Variants in SLC1A1 observed in about 807,000 individuals in gnomAD.
SLC1A1 encodes the protein excitatory amino acid transporter 3.
In SLC1A1, 43 loss-of-function variants were observed where a neutral mutation model predicts 53.3. That is an observed-to-expected ratio of 0.81 (90% CI 0.63 to 1.04). SLC1A1 has a LOEUF of 1.04. Ranked by LOEUF, SLC1A1 falls within the 50% of genes least tolerant of loss-of-function variation. SLC1A1 has a pLI of 0.00. For synonymous variants in SLC1A1, 307 were observed against 243.2 expected, an observed-to-expected ratio of 1.26 and a Z score of -2.44; for missense variants, 748 against 664.9, an observed-to-expected ratio of 1.12 and a Z score of -1.37.
At chr9:4,540,955 T>C (rs1816952803) in intron 1 of SLC1A1, among the ~76,000 whole-genome samples, 1 of 152,196 alleles carries the variant, frequency 6.6e-6, no homozygotes, top group African/African-American at 2.4e-5. Context: ...CACCTCACAA[T>C]TGGTGGAACC....
At chr9:4,564,928 C>G (rs1356537048) in intron 4 of SLC1A1, among the ~76,000 whole-genome samples, 1 of 152,064 alleles carries the variant, frequency 6.6e-6, no homozygotes, top group Admixed American at 6.6e-5. Flanking sequence ...ATTTATTCAC[C>G]AATTGTTTGA....
intron 3 of SLC1A1, among the ~76,000 whole-genome samples, chr9:4,562,399 A>T (rs550609683): frequency 6.6e-6 from 1 of 152,248 alleles, no homozygotes; most frequent in East Asian, 1.9e-4. Flanking sequence ...AAAGTGGATG[A>T]TTGGTCTATA....
intron 1 of SLC1A1, among the ~76,000 whole-genome samples, chr9:4,527,372 G>T (rs1816300158): frequency 6.6e-6 from 1 of 152,168 alleles, no homozygotes; most frequent in South Asian, 2.1e-4. Context: ...TACTAAATTT[G>T]TGGTGATTTG....
chr9:4,505,683 G>A (rs1820781329), intron 1 of SLC1A1, among the ~76,000 whole-genome samples: 1 of 152,090 alleles, frequency 6.6e-6, no homozygotes, highest in South Asian at 2.1e-4. Context: ...TTGGGAAGGT[G>A]TCTCACACTG....
chr9:4,580,672 G>C lies in SLC1A1; in HGVS notation c.1194-2366G>C, dbSNP rs192976522. Among the ~76,000 whole-genome samples the C allele has an allele frequency of 3.1e-4, 38 of 121,592 alleles. 1 individual carries two copies. Among genetic ancestry groups the C allele is most frequent in the Admixed American group, 2.8e-3 (31 of 11,098 alleles). The allele number at this position is 121,592 out of a possible 152,430, so 79.8% of individuals were successfully genotyped here. The stretch of plus-strand genomic sequence containing the variant: ...GTGTGTATAAGGAATAAAGAAGAAA[G>C]ACAATTGTAGGATTTGGGGCCTAGA... On this transcript the variant is annotated intron_variant, in intron 10 of 11. Transcript: ENST00000262352.
intron 1 of SLC1A1, among the ~76,000 whole-genome samples, chr9:4,537,334 T>G (rs200060783): frequency 5.5e-5 from 2 of 36,254 alleles, no homozygotes; most frequent in South Asian, 4.3e-4. Context: ...CCGAGGCGGG[T>G]GGATCATGAG....
chr9:4,511,476 A>C (rs1474772751), intron 1 of SLC1A1, among the ~76,000 whole-genome samples: 1 of 152,000 alleles, frequency 6.6e-6, no homozygotes, highest in East Asian at 1.9e-4. Flanking sequence ...TAGGTTTCAA[A>C]ATATGAATTT....
intron 1 of SLC1A1, among the ~76,000 whole-genome samples, chr9:4,533,644 A>G (rs1816561510): frequency 6.6e-6 from 1 of 152,282 alleles, no homozygotes; most frequent in Non-Finnish European, 1.5e-5. Context: ...TGTCAACATT[A>G]GACAGATCAA....
At chr9:4,562,179 C>G (rs980943300) in intron 3 of SLC1A1, among the ~76,000 whole-genome samples, 3 of 148,162 alleles carry the variant, frequency 2.0e-5, no homozygotes, top group African/African-American at 7.5e-5. Flanking sequence ...TCAAATGATT[C>G]TCCTGCCTCA....
At chr9:4,557,707 G>T (rs914132200) in intron 2 of SLC1A1, among the ~76,000 whole-genome samples, 1 of 152,186 alleles carries the variant, frequency 6.6e-6, no homozygotes, top group Admixed American at 6.5e-5. Flanking sequence ...GTGCTTGCTA[G>T]CCATATGCAC....
chr9:4,561,548 C>A lies in SLC1A1; in HGVS notation c.325+7C>A, dbSNP rs765189142. On this transcript the variant is annotated splice_region_variant and intron_variant, in intron 3 of 11. Transcript: ENST00000262352. ...CTCATTGCTGTTATTCTAGGTAATA[C>A]TTATTTCTGAATCCTTACTACTTTA... is the stretch of plus-strand genomic sequence containing the variant. 4 of 1,481,154 alleles carry A rather than the reference C, an allele frequency of 2.7e-6. No individual in the cohort carries two copies. In the Admixed American group the frequency reaches 5.0e-5, roughly 19 times the overall value. The allele number at this position is 1,481,154 out of a possible 1,614,324, so 91.8% of individuals were successfully genotyped here.
At chr9:4,522,054 CTTTTTT>C (rs574251219) in intron 1 of SLC1A1, among the ~76,000 whole-genome samples, 1 of 23,364 alleles carries the variant, frequency 4.3e-5, no homozygotes, top group Admixed American at 4.1e-4. Context: ...TTTTTTTTTT[CTTTTTT>C]TTTTTTTTTG....
chr9:4,574,009 G>C lies in SLC1A1; in HGVS notation c.870G>C (p.Leu290=), dbSNP rs1312947304. 3.8e-6 allele frequency: 6 copies of C among 1,599,138 alleles called. No individual in the cohort carries two copies. The highest frequency in any genetic ancestry group is 2.2e-5 in the East Asian group (1 of 44,830). The change falls in exon 8 of 12, where the codon CTG becomes CTC. Residue 290 remains leucine, a synonymous_variant. Coordinates refer to ENST00000262352, the MANE Select transcript of SLC1A1 (RefSeq NM_004170.6). The stretch of plus-strand genomic sequence containing the variant: ...TGGGCCTTTACATGGCCACAGTCCT[G>C]ACTGGGTATGTCAGACTCAAGAGAA... ...RKLGLYMATV[L]TGLAIHSIVI...
intron 1 of SLC1A1, among the ~76,000 whole-genome samples, chr9:4,521,141 G>C (rs1478464946): frequency 5.9e-5 from 9 of 152,072 alleles, no homozygotes; most frequent in Admixed American, 6.5e-5. Context: ...TTGTTGAGTT[G>C]TAAGAATTCT....
chr9:4,498,751 CATA>C (rs1246985961), intron 1 of SLC1A1, among the ~76,000 whole-genome samples: 2 of 150,734 alleles, frequency 1.3e-5, no homozygotes, highest in Middle Eastern at 3.2e-3. Flanking sequence ...AATTAGTTTC[CATA>C]ATATTTTCTA....
At chr9:4,532,751 C>T (rs1267700068) in intron 1 of SLC1A1, among the ~76,000 whole-genome samples, 1 of 152,124 alleles carries the variant, frequency 6.6e-6, no homozygotes, top group Non-Finnish European at 1.5e-5. Context: ...AACTCCAACA[C>T]ACATAATTGT....
chr9:4,507,051 G>A (rs1028107006), intron 1 of SLC1A1, among the ~76,000 whole-genome samples: 1 of 152,112 alleles, frequency 6.6e-6, no homozygotes, highest in Non-Finnish European at 1.5e-5. Context: ...ATAACATGGT[G>A]AAACCCCCTC....
In SLC1A1 at chr9:4,561,390, C is replaced by T. The variant is rs532473324; in HGVS notation, c.233-59C>T. The T allele has an allele frequency of 1.0e-4, 104 of 1,006,572 alleles. 1 individual carries two copies. Among genetic ancestry groups the T allele is most frequent in the South Asian group, 9.7e-4 (77 of 79,030 alleles). 62.4% of individuals were successfully genotyped at this position (1,006,572 alleles called of 1,614,324 possible). ...ATTTCACAACCTGAGGATTAAATCGCGGGTCCTGGAAACCTGTCTTTTAAA... is the reference window on the plus strand; with the variant it reads ...ATTTCACAACCTGAGGATTAAATCGTGGGTCCTGGAAACCTGTCTTTTAAA... On this transcript the variant is annotated intron_variant, in intron 2 of 11. Coordinates refer to ENST00000262352, the MANE Select transcript of SLC1A1 (RefSeq NM_004170.6).
At chr9:4,565,684 G>A (rs1819418798) in intron 4 of SLC1A1, among the ~76,000 whole-genome samples, 1 of 152,106 alleles carries the variant, frequency 6.6e-6, no homozygotes, top group Non-Finnish European at 1.5e-5. Context: ...ATGAGATTTG[G>A]GTGGGGACAC....
Sources: gnomAD v4.1 joint callset for allele counts (sites outside exome capture counted in the v4.1 genomes callset) on GRCh38, gnomAD v4.1.1 for gene constraint, MANE v1.5 for transcripts, NCBI Gene and HGNC (gene_info 2026-07-23, HGNC 2026-07-21) for gene names.